C4orf54: variants seen among roughly 807,000 people sequenced by gnomAD.
C4orf54 encodes the protein chromosome 4 open reading frame 54.
In C4orf54, 67 loss-of-function variants were observed where a neutral mutation model predicts 80.1. The ratio of observed to expected loss-of-function variants is 0.84; its 90% CI spans 0.69 to 1.03. The LOEUF is 1.03. Among genes scored for constraint, C4orf54 ranks in the 50% least tolerant of loss-of-function variants. C4orf54 has a pLI of 0.00. For missense variants in C4orf54, 2,434 were observed against 2,253.5 expected (o/e 1.08, Z -1.62); for synonymous variants, 1,000 against 917.0 (o/e 1.09, Z -1.64).
Position 99,653,048 on chromosome 4 carries a change from C to G in C4orf54, c.1601G>C (p.Ser534Thr). Residue 534 changes from serine (S) to threonine (T), a missense_variant, in exon 2 of 3, where the codon AGC (serine) becomes ACC (threonine). Ser to Thr is a moderately conservative substitution (Grantham distance 58, BLOSUM62 1). Coordinates refer to ENST00000511828, the MANE Select transcript of C4orf54 (RefSeq NM_001354435.2). ...AATGTTTTGCTTTGCACGCACGTTG[C>G]TAGGCTCATTTATAGCCCGGGAAGC... ...KPASRAINEP[S>T]NVRAKQNIIY... is the part of the protein sequence containing the mutation. The G allele has an allele frequency of 6.5e-7, 1 of 1,536,178 alleles. No homozygotes were observed.
rs775149986 is a variant in C4orf54, at chr4:99,652,031, C to A, written c.2618G>T (p.Gly873Val). ...QRQSSRHSEA[G>V]SEYTVVSMSD... ...CATGCTGACCACTGTGTACTCGGAG[C>A]CGGCCTCGGAGTGACGAGAGCTCTG... is the stretch of plus-strand genomic sequence containing the variant. The change falls in exon 2 of 3, where the codon GGC becomes GTC. Residue 873 changes from glycine (G) to valine (V), a missense_variant. Transcript: ENST00000511828. 4.6e-6 allele frequency: 7 copies of A among 1,536,022 alleles called. No individual in the cohort carries two copies. The highest frequency in any genetic ancestry group is 1.4e-5 in the African/African-American group (1 of 73,052).
Position 99,650,079 on chromosome 4 carries a change from C to G in C4orf54, c.4570G>C (p.Val1524Leu). Reference sequence around the variant, plus strand: ...CAAGCTGGTCGGCTGGTTCCACTAACCTGAGAGCCTTTGGAGCTACTGGGG... The same window carrying G: ...CAAGCTGGTCGGCTGGTTCCACTAAGCTGAGAGCCTTTGGAGCTACTGGGG... The part of the protein sequence containing the change: ...QVPSSSKGSQ[V>L]SGTSRPAWRT... The change falls in exon 2 of 3, where the codon GTT becomes CTT. Residue 1524 changes from valine (V) to leucine (L), a missense_variant. Coordinates refer to ENST00000511828, the MANE Select transcript of C4orf54 (RefSeq NM_001354435.2). The G allele has an allele frequency of 1.3e-6, 2 of 1,535,880 alleles. No individual in the cohort carries two copies. Among genetic ancestry groups the G allele is most frequent in the Non-Finnish European group, 1.7e-6 (2 of 1,146,858 alleles).
At chr4:99,648,718 G>A (rs1257970025) in intron 2 of C4orf54, among the ~76,000 whole-genome samples, 1 of 152,172 alleles carries the variant, frequency 6.6e-6, no homozygotes, top group Admixed American at 6.5e-5. Context: ...GGAGAAAGAA[G>A]CTTTTCTGCA....
At chr4:99,645,313 G>T (rs1471509700) in intron 2 of C4orf54, among the ~76,000 whole-genome samples, 2 of 149,390 alleles carry the variant, frequency 1.3e-5, no homozygotes, top group African/African-American at 5.0e-5. Flanking sequence ...CTATACAGGG[G>T]GTAGAAATAA....
In C4orf54 at chr4:99,640,078, A is replaced by G. The variant is rs995631832; in HGVS notation, c.*1155T>C. ...TGACAAGCTAAATATTTATCTGTTC[A>G]ATCAAGTCTTCCAGTCTTCAAGACT... On this transcript the variant is annotated 3_prime_UTR_variant, in exon 3 of 3. Coordinates refer to ENST00000511828, the MANE Select transcript of C4orf54 (RefSeq NM_001354435.2). The G allele has an allele frequency of 2.0e-5, 3 of 152,168 alleles. No individual in the cohort carries two copies. Among genetic ancestry groups the G allele is most frequent in the African/African-American group, 7.2e-5 (3 of 41,456 alleles). 9.4% of individuals were successfully genotyped at this position (152,168 alleles called of 1,614,324 possible).
At position 99,652,801 on chromosome 4, in the gene C4orf54, C is replaced by T; in HGVS notation, c.1848G>A (p.Leu616=). 6.5e-7 allele frequency: 1 copy of T among 1,536,134 alleles called. No individual in the cohort carries two copies. Among genetic ancestry groups the T allele is most frequent in the South Asian group, 1.2e-5 (1 of 84,058 alleles). The part of the protein sequence containing the change: ...SSGASSAVSE[L]DDADKEVRNL... ...TACGCACCTCTTTGTCCGCATCGTCCAGTTCGCTCACGGCACTGGAGGCTC... is the reference window on the plus strand; with the variant it reads ...TACGCACCTCTTTGTCCGCATCGTCTAGTTCGCTCACGGCACTGGAGGCTC... Residue 616 remains leucine, a synonymous_variant, in exon 2 of 3, where the codon CTG becomes CTA. Transcript: ENST00000511828.
chr4:99,637,493 T>C lies in C4orf54; in HGVS notation c.*3740A>G, dbSNP rs1267596921. 12 of 152,202 alleles carry C rather than the reference T, an allele frequency of 7.9e-5. No individual in the cohort carries two copies. The East Asian group carries it at 2.1e-3, about 27-fold the overall frequency. 9.4% of individuals were successfully genotyped at this position (152,202 alleles called of 1,614,324 possible). A position where few individuals can be genotyped will look rare whatever the true frequency, so the allele number is the denominator to read the frequency against. Reference sequence around the variant, plus strand: ...AAGGCACCAATTAGCAAGTGCTACATGCTTTATTAATGATTTTATGCACCT... The same window carrying C: ...AAGGCACCAATTAGCAAGTGCTACACGCTTTATTAATGATTTTATGCACCT... On this transcript the variant is annotated 3_prime_UTR_variant, in exon 3 of 3. Coordinates refer to ENST00000511828, the MANE Select transcript of C4orf54 (RefSeq NM_001354435.2).
In C4orf54 at chr4:99,649,659, G is replaced by A. The variant is rs1238856879; in HGVS notation, c.4990C>T (p.Pro1664Ser). The A allele has an allele frequency of 6.5e-7, 1 of 1,536,172 alleles. No homozygotes were observed. The highest frequency in any genetic ancestry group is 2.0e-5 in the Admixed American group (1 of 51,004). Reference sequence around the variant, plus strand: ...TAAGCCCCAGGACTCAGGGCCAAGGGAGGCACAGAGATGGACATGGGAGCC... The same window carrying A: ...TAAGCCCCAGGACTCAGGGCCAAGGAAGGCACAGAGATGGACATGGGAGCC... The part of the protein sequence containing the change: ...AVAPMSISVP[P>S]LALSPGAYGP... The change falls in exon 2 of 3, where the codon CCC becomes TCC. Residue 1664 changes from proline (P) to serine (S), a missense_variant. Physicochemically the swap from Pro to Ser is moderately conservative, Grantham distance 74 (BLOSUM62 -1). Coordinates refer to ENST00000511828, the MANE Select transcript of C4orf54 (RefSeq NM_001354435.2).
intron 2 of C4orf54, among the ~76,000 whole-genome samples, chr4:99,643,790 ACACC>A (rs1428161136): frequency 0.015 from 1,432 of 95,466 alleles, 20 homozygotes; most frequent in South Asian, 0.033. Context: ...ACACACACAC[ACACC>A]CCCTCCGCGG....
In C4orf54 at chr4:99,653,589, G is replaced by A. The variant is rs996199110; in HGVS notation, c.1060C>T (p.Gln354Ter). 1.6e-5 allele frequency: 24 copies of A among 1,535,786 alleles called. No homozygotes were observed. The highest frequency in any genetic ancestry group is 4.1e-5 in the African/African-American group (3 of 72,936). The change falls in exon 2 of 3, where the codon CAG becomes TAG. Residue 354 changes from glutamine (Q) to a stop codon, truncating the protein, a stop_gained. Coordinates refer to ENST00000511828, the MANE Select transcript of C4orf54 (RefSeq NM_001354435.2). LOFTEE classifies it high-confidence loss of function. ...ACTTTGGGGGGGTCCCTGCTGCCCTGGGACTTGGCAATAATGTCCCTGCAC... is the reference window on the plus strand; with the variant it reads ...ACTTTGGGGGGGTCCCTGCTGCCCTAGGACTTGGCAATAATGTCCCTGCAC... The part of the protein sequence containing the change: ...TECRDIIAKS[Q>*]GSRDPPKVEE...
Position 99,650,426 on chromosome 4 carries a change from G to A in C4orf54, c.4223C>T (p.Thr1408Ile). Residue 1408 changes from threonine to isoleucine, a missense_variant, in exon 2 of 3, where the codon ACT (threonine) becomes ATT (isoleucine). Thr to Ile is a moderately conservative substitution (Grantham distance 89, BLOSUM62 -1). Coordinates refer to ENST00000511828, the MANE Select transcript of C4orf54 (RefSeq NM_001354435.2). ...FTVSASSIQK[T>I]GGVAGKFPQG... Reference sequence around the variant, plus strand: ...TGGGAACTTGCCAGCGACACCCCCAGTTTTCTGGATGCTGCTGGCACTCAC... The same window carrying A: ...TGGGAACTTGCCAGCGACACCCCCAATTTTCTGGATGCTGCTGGCACTCAC... The A allele has an allele frequency of 1.3e-6, 2 of 1,535,972 alleles. No homozygotes were observed. The highest frequency in any genetic ancestry group is 1.2e-5 in the South Asian group (1 of 84,066).
chr4:99,642,131 A>G (rs1438431364), intron 2 of C4orf54, among the ~76,000 whole-genome samples: 1 of 152,194 alleles, frequency 6.6e-6, no homozygotes, highest in African/African-American at 2.4e-5. Flanking sequence ...TGTACTTTAT[A>G]TTGAGGAATG....
chr4:99,652,238 T>C lies in C4orf54; in HGVS notation c.2411A>G (p.Gln804Arg), dbSNP rs1321305595. The change falls in exon 2 of 3, where the codon CAG becomes CGG. Residue 804 changes from glutamine (Q) to arginine (R), a missense_variant. Transcript: ENST00000511828. ...SKPTSRADGP[Q>R]KSKFASSLLK... ...CAGACTGGAGGCGAACTTGGACTTC[T>C]GGGGGCCATCGGCGCGGGAGGTGGG... 7 of 1,535,812 alleles carry C rather than the reference T, an allele frequency of 4.6e-6. No individual in the cohort carries two copies. Among genetic ancestry groups the C allele is most frequent in the Admixed American group, 2.0e-5 (1 of 50,976 alleles).
intron 2 of C4orf54, among the ~76,000 whole-genome samples, chr4:99,643,554 G>C (rs1460760402): frequency 2.0e-5 from 3 of 152,050 alleles, no homozygotes; most frequent in Non-Finnish European, 2.9e-5. Context: ...ACCTCTGGGA[G>C]CCACAGCTCC....
In C4orf54 at chr4:99,649,678, G is replaced by A. The variant is rs1726765347; in HGVS notation, c.4971C>T (p.Pro1657=). Residue 1657 remains proline, a synonymous_variant, in exon 2 of 3, where the codon CCC becomes CCT. Transcript: ENST00000511828. ...CCAAGGGAGGCACAGAGATGGACATGGGAGCCACAGCCTGCTGCTGGGAGG... is the reference window on the plus strand; with the variant it reads ...CCAAGGGAGGCACAGAGATGGACATAGGAGCCACAGCCTGCTGCTGGGAGG... The part of the protein sequence containing the change: ...PMTSQQQAVA[P]MSISVPPLAL... The A allele has an allele frequency of 6.5e-7, 1 of 1,536,172 alleles. No homozygotes were observed. The highest frequency in any genetic ancestry group is 1.4e-5 in the African/African-American group (1 of 73,172).
chr4:99,650,699 C>G lies in C4orf54; in HGVS notation c.3950G>C (p.Gly1317Ala). 6.5e-7 allele frequency: 1 copy of G among 1,536,168 alleles called. No homozygotes were observed. The highest frequency in any genetic ancestry group is 8.7e-7 in the Non-Finnish European group (1 of 1,146,918). The change falls in exon 2 of 3, where the codon GGT (glycine) becomes GCT (alanine). Residue 1317 changes from glycine (G) to alanine (A), a missense_variant. Coordinates refer to ENST00000511828, the MANE Select transcript of C4orf54 (RefSeq NM_001354435.2). ...TCCTGTGCCCCGCTCTTCCACCTCA[C>G]CCAGCCGTTTGGACAGCTTGTCGTG... ...GDHDKLSKRL[G>A]EVEERGTGNK...
In C4orf54 at chr4:99,639,591, A is replaced by G. The variant is rs1398376884; in HGVS notation, c.*1642T>C. On this transcript the variant is annotated 3_prime_UTR_variant, in exon 3 of 3. Coordinates refer to ENST00000511828, the MANE Select transcript of C4orf54 (RefSeq NM_001354435.2). ...CATTTCATAGCTCATCAGCACAACA[A>G]GCAATTGAATCGTGATCAGAGCTGA... The G allele has an allele frequency of 1.3e-5, 2 of 152,254 alleles. No individual in the cohort carries two copies. The highest frequency in any genetic ancestry group is 2.9e-5 in the Non-Finnish European group (2 of 67,974). 9.4% of individuals were successfully genotyped at this position (152,254 alleles called of 1,614,324 possible).
At position 99,650,917 on chromosome 4, in the gene C4orf54, C is replaced by T; in HGVS notation, c.3732G>A (p.Gly1244=). The T allele has an allele frequency of 6.5e-7, 1 of 1,536,212 alleles. No homozygotes were observed. Among genetic ancestry groups the T allele is most frequent in the Non-Finnish European group, 8.7e-7 (1 of 1,146,926 alleles). Residue 1244 remains glycine, a synonymous_variant, in exon 2 of 3, where the codon GGG becomes GGA. Coordinates refer to ENST00000511828, the MANE Select transcript of C4orf54 (RefSeq NM_001354435.2). ...KLKEEEVKEE[G]KATKPARNAL... ...CATTCCGGGCTGGCTTCGTGGCTTT[C>T]CCTTCCTCCTTGACCTCCTCCTCCT...
In C4orf54 at chr4:99,654,057, A is replaced by T. The variant is rs911248311; in HGVS notation, c.592T>A (p.Cys198Ser). The T allele has an allele frequency of 1.0e-5, 16 of 1,536,118 alleles. No individual in the cohort carries two copies. Among genetic ancestry groups the T allele is most frequent in the Non-Finnish European group, 1.3e-5 (15 of 1,146,912 alleles). Residue 198 changes from cysteine to serine, a missense_variant, in exon 2 of 3, where the codon TGT becomes AGT. Transcript: ENST00000511828. Reference sequence around the variant, plus strand: ...TCCCTCTGGACTTCAGCTGAAGCACACATGTCCACATATTTCGCTTCTCGC... The same window carrying T: ...TCCCTCTGGACTTCAGCTGAAGCACTCATGTCCACATATTTCGCTTCTCGC... ...SQREAKYVDMCASAEVQRESP... is the reference protein window; with the variant it reads ...SQREAKYVDMSASAEVQRESP...
Sources: gnomAD v4.1 joint callset for allele counts (sites outside exome capture counted in the v4.1 genomes callset) on GRCh38, gnomAD v4.1.1 for gene constraint, MANE v1.5 for transcripts, NCBI Gene and HGNC (gene_info 2026-07-23, HGNC 2026-07-21) for gene names.